The following PRH1 variants were observed in gnomAD, a reference collection of about 807,000 sequenced individuals.
PRH1 encodes the protein salivary acidic proline-rich phosphoprotein 1/2.
Under a neutral mutation model 7.9 loss-of-function variants are expected in PRH1, and 7 were observed. The ratio of observed to expected loss-of-function variants is 0.89; its 90% CI spans 0.50 to 1.67. The LOEUF is 1.67. Among genes scored for constraint, PRH1 ranks in the 40% most tolerant of loss-of-function variants. The pLI is 0.00. For synonymous variants in PRH1, 45 were observed against 80.8 expected, an observed-to-expected ratio of 0.56 and a Z score of 2.38; for missense variants, 109 against 223.6, an observed-to-expected ratio of 0.49 and a Z score of 3.27.
chr12:11,097,236 C>G lies in PRH1; in HGVS notation n.124-50048G>C, dbSNP rs1945095898. 2 of 255,158 alleles carry G rather than the reference C, an allele frequency of 7.8e-6. 1 individual carries two copies. The highest frequency in any genetic ancestry group is 1.7e-5 in the Non-Finnish European group (2 of 116,886). 15.8% of individuals were successfully genotyped at this position (255,158 alleles called of 1,614,324 possible). On this transcript the variant is annotated intron_variant and non_coding_transcript_variant, in intron 1 of 4. Coordinates refer to the PRH1 transcript ENST00000541977. Reference sequence around the variant, plus strand: ...AAGTAGACTTTAAGTCCCATGGAAACAAAACTGAATCTGGTGCTTCTGTGG... The same window carrying G: ...AAGTAGACTTTAAGTCCCATGGAAAGAAAACTGAATCTGGTGCTTCTGTGG...
At chr12:11,100,046 T>C (rs1287618669) in intron 1 of PRH1, among the ~76,000 whole-genome samples, 2 of 152,226 alleles carry the variant, frequency 1.3e-5, no homozygotes, top group Admixed American at 6.5e-5. Context: ...TATAAGAATG[T>C]ATATACAACT....
At chr12:11,168,505 T>G (rs1256199287) in intron 1 of PRH1, among the ~76,000 whole-genome samples, 1 of 152,006 alleles carries the variant, frequency 6.6e-6, no homozygotes, top group Non-Finnish European at 1.5e-5. Flanking sequence ...TTGATTTTAT[T>G]TTTTCCTAAT....
intron 1 of PRH1, among the ~76,000 whole-genome samples, chr12:11,131,313 G>A (rs1356692864): frequency 7.4e-6 from 1 of 134,726 alleles, no homozygotes; most frequent in African/African-American, 2.6e-5. Flanking sequence ...ACCTCACTGT[G>A]AAGTGGCTGC....
chr12:10,931,570 A>T (rs1218200694), intron 2 of PRH1, among the ~76,000 whole-genome samples: 1 of 152,172 alleles, frequency 6.6e-6, no homozygotes, highest in Non-Finnish European at 1.5e-5. Context: ...AACAAAAACT[A>T]ATCTCACTGA....
At chr12:10,947,462 T>C (rs1228404859) in intron 2 of PRH1, among the ~76,000 whole-genome samples, 1 of 152,176 alleles carries the variant, frequency 6.6e-6, no homozygotes, top group Non-Finnish European at 1.5e-5. Flanking sequence ...CCCCCCTTTT[T>C]TCTGTTTTCC....
intron 1 of PRH1, among the ~76,000 whole-genome samples, chr12:11,086,420 G>T (rs796716599): frequency 0.41 from 45,949 of 113,222 alleles, 7,865 homozygotes; most frequent in Non-Finnish European, 0.51. Flanking sequence ...TTTTGATTAT[G>T]AAATGGTTTA....
At chr12:10,932,360 T>C (rs984555012) in intron 2 of PRH1, 8 of 281,278 alleles carry the variant, frequency 2.8e-5, no homozygotes, top group East Asian at 8.0e-5. Flanking sequence ...TTTGGGACTC[T>C]GGAATCTGAG....
At chr12:10,902,796 T>A (rs1047341614) in intron 2 of PRH1, among the ~76,000 whole-genome samples, 1 of 151,984 alleles carries the variant, frequency 6.6e-6, no homozygotes, top group African/African-American at 2.4e-5. Flanking sequence ...GAAGGAGAAA[T>A]AAAATCTTTT....
intron 2 of PRH1, among the ~76,000 whole-genome samples, chr12:10,933,090 T>C (rs1361731262): frequency 6.6e-6 from 1 of 152,044 alleles, no homozygotes; most frequent in Non-Finnish European, 1.5e-5. Flanking sequence ...ATTGTGAAAA[T>C]TCTGGAAGAA....
At chr12:11,163,548 T>G (rs556722161) in intron 1 of PRH1, among the ~76,000 whole-genome samples, 1 of 152,212 alleles carries the variant, frequency 6.6e-6, no homozygotes, top group African/African-American at 2.4e-5. Flanking sequence ...GAAACTATTA[T>G]ATGCGCTGAT....
chr12:10,992,882 G>A (rs1206365012), intron 1 of PRH1, among the ~76,000 whole-genome samples: 3 of 152,240 alleles, frequency 2.0e-5, no homozygotes, highest in Admixed American at 6.5e-5. Context: ...GTATATTAAG[G>A]GACATTACTG....
chr12:11,052,209 G>A (rs75045101), intron 1 of PRH1, among the ~76,000 whole-genome samples: 1,176 of 21,318 alleles, frequency 0.055, 19 homozygotes, highest in African/African-American at 0.075. Flanking sequence ...CTTATTTTTC[G>A]TCATTAATTT....
intron 2 of PRH1, among the ~76,000 whole-genome samples, chr12:10,896,165 A>G (rs966708103): frequency 5.3e-5 from 8 of 152,200 alleles, no homozygotes; most frequent in African/African-American, 1.9e-4. Flanking sequence ...AAAGTTCTGC[A>G]TTCAAATTTG....
At chr12:11,084,622 C>T (rs1402781024) in intron 1 of PRH1, among the ~76,000 whole-genome samples, 2 of 17,268 alleles carry the variant, frequency 1.2e-4, no homozygotes, top group Non-Finnish European at 7.6e-4. Context: ...TAATTTTTAC[C>T]TTTAATATTT....
At position 11,156,759 on chromosome 12, in the gene PRH1, A is replaced by AT. The variant is rs1947261995; in HGVS notation, n.39+14662dup. ...TACTCATAATACCAAATTCTTAAAG[A>AT]TTTTTTAAAAACTTTTAGTAAACTT... On this transcript the variant is annotated intron_variant and non_coding_transcript_variant, in intron 1 of 1. Transcript: ENST00000541175. 7.2e-5 allele frequency among the ~76,000 whole-genome samples: 11 copies of AT among 152,128 alleles called. No homozygotes were observed. The South Asian group carries it at 2.3e-3, about 32-fold the overall frequency.
intron 2 of PRH1, among the ~76,000 whole-genome samples, chr12:10,935,864 A>C (rs1950279921): frequency 6.6e-6 from 1 of 152,132 alleles, no homozygotes; most frequent in Admixed American, 6.6e-5. Flanking sequence ...AGCAGGCAAA[A>C]ATGGGAAATT....
At chr12:11,148,085 G>C (rs1322669768) in intron 1 of PRH1, among the ~76,000 whole-genome samples, 1 of 145,244 alleles carries the variant, frequency 6.9e-6, no homozygotes, top group Non-Finnish European at 1.5e-5. Context: ...TTGGCTCTCT[G>C]TTTGTCTGTT....
intron 2 of PRH1, among the ~76,000 whole-genome samples, chr12:10,897,383 G>C (rs1032758920): frequency 6.9e-6 from 1 of 144,912 alleles, no homozygotes; most frequent in African/African-American, 2.5e-5. Flanking sequence ...TTCAGCCCCT[G>C]GTCACTTGAA....
chr12:11,168,668 A>G (rs986176117), intron 1 of PRH1, among the ~76,000 whole-genome samples: 3 of 152,218 alleles, frequency 2.0e-5, no homozygotes, highest in Non-Finnish European at 1.5e-5. Context: ...GGCTCCTACT[A>G]TCTGGAAAAG....
Sources: allele counts gnomAD v4.1 joint callset (sites outside exome capture counted in the v4.1 genomes callset), GRCh38; gene constraint gnomAD v4.1.1; transcripts MANE v1.5; gene names NCBI Gene and HGNC (gene_info 2026-07-23, HGNC 2026-07-21).